The following RARB variants were observed in gnomAD, a reference collection of about 807,000 sequenced individuals.
RARB encodes the protein HBV-activated protein.
Under a neutral mutation model 51.9 loss-of-function variants are expected in RARB, and 17 were observed. The ratio of observed to expected loss-of-function variants is 0.33; its 90% CI spans 0.22 to 0.49. The LOEUF (loss-of-function observed/expected upper bound fraction) is 0.49. Among genes scored for constraint, RARB ranks in the 20% least tolerant of loss-of-function variants. The probability of loss-of-function intolerance (pLI) is 0.99; values close to 1 mark genes in which losing one functional copy is unlikely to be tolerated. For missense variants in RARB, 369 were observed against 550.8 expected (o/e 0.67, Z 3.30); for synonymous variants, 215 against 195.4 (o/e 1.10, Z -0.84).
At chr3:24,953,477 G>A (rs1575088790) in intron 2 of RARB, among the ~76,000 whole-genome samples, 1 of 152,150 alleles carries the variant, frequency 6.6e-6, no homozygotes, top group East Asian at 1.9e-4. Context: ...GTGCATTTAA[G>A]AAAGGACTGA....
intron 5 of RARB, among the ~76,000 whole-genome samples, chr3:25,393,091 T>C (rs1466934401): frequency 1.3e-5 from 2 of 152,046 alleles, no homozygotes; most frequent in Non-Finnish European, 2.9e-5. Flanking sequence ...GATGTTTTCA[T>C]CAAAAAACGA....
chr3:25,524,060 A>G (rs1698527350), intron 3 of RARB, among the ~76,000 whole-genome samples: 1 of 152,196 alleles, frequency 6.6e-6, no homozygotes, highest in Non-Finnish European at 1.5e-5. Context: ...GATATACTAT[A>G]GGTTGTTCAC....
At chr3:25,279,686 G>A (rs1703475375) in intron 5 of RARB, among the ~76,000 whole-genome samples, 2 of 152,000 alleles carry the variant, frequency 1.3e-5, no homozygotes, top group African/African-American at 4.8e-5. Context: ...GAAATATGGT[G>A]GATGGCCAGA....
intron 2 of RARB, among the ~76,000 whole-genome samples, chr3:24,919,247 T>C (rs1253867810): frequency 6.6e-6 from 1 of 152,220 alleles, no homozygotes; most frequent in East Asian, 1.9e-4. Context: ...CTTAACCTTC[T>C]ATGACTGTAC....
At position 25,265,752 on chromosome 3, in the gene RARB, G is replaced by A. The variant is rs147337513; in HGVS notation, c.178+91177G>A. Among the ~76,000 whole-genome samples the A allele has an allele frequency of 7.0e-3, 1,059 of 152,236 alleles. 5 individuals are homozygous for A. The highest frequency in any genetic ancestry group is 0.031 in the Middle Eastern group (9 of 294). ...CTCCCAAAGTGCTAGGGTTACAGCC[G>A]TGAACCACCATGGCTGTCCAACAAA... is the stretch of plus-strand genomic sequence containing the variant. On this transcript the variant is annotated intron_variant, in intron 5 of 11. Transcript: ENST00000383772.
chr3:25,194,086 G>C (rs1163823924), intron 5 of RARB, among the ~76,000 whole-genome samples: 1 of 151,828 alleles, frequency 6.6e-6, no homozygotes, highest in East Asian at 1.9e-4. Flanking sequence ...AAAAAAGGAA[G>C]AGATCTTTCC....
chr3:25,058,692 A>C (rs1193530082), intron 2 of RARB, among the ~76,000 whole-genome samples: 2 of 151,790 alleles, frequency 1.3e-5, no homozygotes, highest in Non-Finnish European at 3.0e-5. Flanking sequence ...CACTATTACT[A>C]ATTTAATTTT....
intron 5 of RARB, among the ~76,000 whole-genome samples, chr3:25,287,089 T>G (rs916692668): frequency 3.9e-5 from 6 of 152,238 alleles, no homozygotes; most frequent in Non-Finnish European, 8.8e-5. Flanking sequence ...TTTTGTCATT[T>G]ATACACCACA....
chr3:25,165,672 A>G (rs1254002422), intron 4 of RARB, among the ~76,000 whole-genome samples: 1 of 152,132 alleles, frequency 6.6e-6, no homozygotes, highest in Non-Finnish European at 1.5e-5. Flanking sequence ...TTAGTCCAAT[A>G]CATTTATACC....
At chr3:25,518,591 G>C (rs1050615771) in intron 3 of RARB, among the ~76,000 whole-genome samples, 3 of 152,028 alleles carry the variant, frequency 2.0e-5, no homozygotes, top group Non-Finnish European at 4.4e-5. Flanking sequence ...AAGAAATAAC[G>C]ATGGGCATGA....
intron 5 of RARB, among the ~76,000 whole-genome samples, chr3:25,372,908 G>A (rs1462600074): frequency 1.3e-5 from 2 of 152,188 alleles, no homozygotes; most frequent in Non-Finnish European, 2.9e-5. Flanking sequence ...TGCATTGTAG[G>A]TAAAGTCACA....
chr3:24,929,418 C>A (rs556307051), intron 2 of RARB, among the ~76,000 whole-genome samples: 2 of 151,964 alleles, frequency 1.3e-5, no homozygotes, highest in South Asian at 2.1e-4. Flanking sequence ...AATAAAGATG[C>A]GTTTTAAGGG....
chr3:25,526,183 A>G (rs1362509199), intron 3 of RARB, among the ~76,000 whole-genome samples: 1 of 152,172 alleles, frequency 6.6e-6, no homozygotes, highest in Non-Finnish European at 1.5e-5. Context: ...AAAGGGGAGA[A>G]GTTTCCTGGG....
At chr3:25,246,411 T>A (rs897624982) in intron 5 of RARB, among the ~76,000 whole-genome samples, 1 of 152,208 alleles carries the variant, frequency 6.6e-6, no homozygotes, top group South Asian at 2.1e-4. Context: ...TTCTGGTTTT[T>A]GGAATTTTCC....
At chr3:25,389,093 A>C (rs1027539535) in intron 5 of RARB, among the ~76,000 whole-genome samples, 13 of 152,164 alleles carry the variant, frequency 8.5e-5, no homozygotes, top group Non-Finnish European at 1.8e-4. Flanking sequence ...TGCCACATTT[A>C]AGTTGGCTAA....
chr3:25,513,952 A>T (rs1181748113), intron 3 of RARB, among the ~76,000 whole-genome samples: 2 of 152,204 alleles, frequency 1.3e-5, no homozygotes, highest in African/African-American at 4.8e-5. Context: ...ACATTGATAA[A>T]ACCTTAGTGC....
intron 5 of RARB, among the ~76,000 whole-genome samples, chr3:25,188,832 G>A (rs1224915565): frequency 6.6e-6 from 1 of 152,044 alleles, no homozygotes; most frequent in Non-Finnish European, 1.5e-5. Context: ...AAGATTTTAT[G>A]ACCACTTGTG....
chr3:25,236,891 T>C (rs1352168961), intron 5 of RARB, among the ~76,000 whole-genome samples: 1 of 151,720 alleles, frequency 6.6e-6, no homozygotes, highest in East Asian at 1.9e-4. Flanking sequence ...AGTTTTCTAA[T>C]ATAATATTTA....
intron 2 of RARB, among the ~76,000 whole-genome samples, chr3:25,002,851 A>G (rs1474883754): frequency 2.7e-5 from 4 of 150,462 alleles, no homozygotes. Context: ...AGAATATCTC[A>G]GAGTTGTTAG....
Sources: gnomAD v4.1 joint callset for allele counts (sites outside exome capture counted in the v4.1 genomes callset) on GRCh38, gnomAD v4.1.1 for gene constraint, MANE v1.5 for transcripts, NCBI Gene and HGNC (gene_info 2026-07-23, HGNC 2026-07-21) for gene names.